The following ZNF689 variants were observed in gnomAD, a reference collection of about 807,000 sequenced individuals.
ZNF689 encodes the protein short ORF-encoded histone-binding protein.
Under a neutral mutation model 37.2 loss-of-function variants are expected in ZNF689, and 14 were observed. That is an observed-to-expected ratio of 0.38 (90% CI 0.25 to 0.59). ZNF689 has a LOEUF of 0.59. Ranked by LOEUF, ZNF689 falls within the 20% of genes least tolerant of loss-of-function variation. The pLI is 0.68. For missense variants in ZNF689, 573 were observed against 700.2 expected (o/e 0.82, Z 2.05); for synonymous variants, 277 against 283.3 (o/e 0.98, Z 0.22).
At position 30,610,027 on chromosome 16, in the gene ZNF689, C is replaced by A. The variant is rs1223462220; in HGVS notation, c.15G>T (p.Ser5=). 6.3e-7 allele frequency: 1 copy of A among 1,597,624 alleles called. No homozygotes were observed. Among genetic ancestry groups the A allele is most frequent in the East Asian group, 2.3e-5 (1 of 44,112 alleles). Residue 5 remains serine (S), a synonymous_variant, in exon 1 of 3, where the codon TCG becomes TCT. Coordinates refer to ENST00000287461, the MANE Select transcript of ZNF689 (RefSeq NM_138447.3). MAPP[S]APLPAQGPGK... ...CTGGTCCCTGCGCAGGGAGCGGAGC[C>A]GAAGGTGGCGCCATGGGACCCGAGA...
intron 2 of ZNF689, among the ~76,000 whole-genome samples, chr16:30,608,745 A>C (rs1388498877): frequency 6.6e-6 from 1 of 152,138 alleles, no homozygotes; most frequent in Non-Finnish European, 1.5e-5. Flanking sequence ...CCATTTAACA[A>C]CCTTGGCAAA....
intron 2 of ZNF689, among the ~76,000 whole-genome samples, chr16:30,607,935 C>T (rs1054644827): frequency 1.3e-5 from 2 of 152,202 alleles, no homozygotes; most frequent in Non-Finnish European, 2.9e-5. Context: ...GCACTCCTGC[C>T]TGGGCAACAG....
chr16:30,609,845 C>T lies in ZNF689; in HGVS notation c.197G>A (p.Gly66Asp). The change falls in exon 1 of 3, where the codon GGC becomes GAC. Residue 66 changes from glycine (G) to aspartate (D), a missense_variant. Coordinates refer to ENST00000287461, the MANE Select transcript of ZNF689 (RefSeq NM_138447.3). ...GATGGGGCCGGCCTCACCGAGCGCG[C>T]CCAGGTGACCGTAGGTCTCCCGCAT... ...DVMRETYGHLGALGCAGPKPA... is the reference protein window; with the variant it reads ...DVMRETYGHLDALGCAGPKPA... The T allele has an allele frequency of 6.2e-7, 1 of 1,604,786 alleles. No homozygotes were observed. Among genetic ancestry groups the T allele is most frequent in the Non-Finnish European group, 8.5e-7 (1 of 1,176,802 alleles).
chr16:30,603,137 G>T lies in ZNF689; in HGVS notation c.*1127C>A. The T allele has an allele frequency of 6.6e-6, 1 of 152,238 alleles. No homozygotes were observed. The allele number at this position is 152,238 out of a possible 1,614,324, so 9.4% of individuals were successfully genotyped here. ...TTCATCTGTGCCTGATGAGAATCAG[G>T]GTCAAGTACGGCCCAATTCTCCAGG... On this transcript the variant is annotated 3_prime_UTR_variant, in exon 3 of 3. Coordinates refer to ENST00000287461, the MANE Select transcript of ZNF689 (RefSeq NM_138447.3).
rs758625831 is a variant in ZNF689 at position 30,607,248 on chromosome 16, C to CAA, written c.320-1803_320-1802dup. Among the ~76,000 whole-genome samples the CAA allele has an allele frequency of 1.6e-3, 29 of 18,584 alleles. 1 individual carries two copies. The highest frequency in any genetic ancestry group is 2.0e-3 in the Non-Finnish European group (12 of 6,024). The allele number at this position is 18,584 out of a possible 152,430, so 12.2% of individuals were successfully genotyped here. ...TGCATGACAGAGTGAGACTCCATCT[C>CAA]AAAAAAAAAAAAAAAAAAAAAAAAA... On this transcript the variant is annotated intron_variant, in intron 2 of 2. Coordinates refer to ENST00000287461, the MANE Select transcript of ZNF689 (RefSeq NM_138447.3).
rs1390492528 is a variant in ZNF689, at chr16:30,604,964, C to T, written c.803G>A (p.Arg268His). Residue 268 changes from arginine (R) to histidine (H), a missense_variant, in exon 3 of 3, where the codon CGT (arginine) becomes CAT (histidine). Coordinates refer to ENST00000287461, the MANE Select transcript of ZNF689 (RefSeq NM_138447.3). The surrounding 1 kb of genome is among the most constrained non-coding windows in gnomAD (Gnocchi z 5.2). ...TAGCAGGGAGGGGTAGGCGAAGCGA[C>T]GTCCACAGCTAGGGCACTGGTGGGG... The part of the protein sequence containing the change: ...EKPHQCPSCG[R>H]RFAYPSLLAI... 1 of 1,581,976 alleles carries T rather than the reference C, an allele frequency of 6.3e-7. No homozygotes were observed. The highest frequency in any genetic ancestry group is 1.2e-5 in the South Asian group (1 of 85,368).
chr16:30,602,874 G>A lies in ZNF689; in HGVS notation c.*1390C>T, dbSNP rs950416813. On this transcript the variant is annotated 3_prime_UTR_variant, in exon 3 of 3. Coordinates refer to ENST00000287461, the MANE Select transcript of ZNF689 (RefSeq NM_138447.3). Reference sequence around the variant, plus strand: ...GGTAGGCCTTGTTCACATTTAACTCGGTAAAGCTTTATGAAGCACCTACCC... The same window carrying A: ...GGTAGGCCTTGTTCACATTTAACTCAGTAAAGCTTTATGAAGCACCTACCC... 4.6e-5 allele frequency: 7 copies of A among 152,082 alleles called. No individual in the cohort carries two copies. The highest frequency in any genetic ancestry group is 7.4e-5 in the Non-Finnish European group (5 of 68,010). The allele number at this position is 152,082 out of a possible 1,614,324, so 9.4% of individuals were successfully genotyped here.
Position 30,604,852 on chromosome 16 carries a change from G to T in ZNF689, c.915C>A (p.Val305=), listed in dbSNP as rs1253420956. Residue 305 remains valine (V), a synonymous_variant, in exon 3 of 3, where the codon GTC becomes GTA. Transcript: ENST00000287461. This position sits in a 1 kb window ranked among gnomAD's most constrained non-coding sequence, Gnocchi z 5.2. ...NRRFRQRTAL[V]IHQRIHTGEK... ...CGCCCGTGTGGATGCGCTGGTGGAT[G>T]ACGAGGGCCGTGCGCTGGCGGAAGC... 2 of 1,595,282 alleles carry T rather than the reference G, an allele frequency of 1.3e-6. No individual in the cohort carries two copies. Among genetic ancestry groups the T allele is most frequent in the Non-Finnish European group, 1.7e-6 (2 of 1,170,798 alleles).
At position 30,609,537 on chromosome 16, in the gene ZNF689, T is replaced by C; in HGVS notation, c.307A>G (p.Thr103Ala). The C allele has an allele frequency of 6.2e-7, 1 of 1,614,048 alleles. No homozygotes were observed. The highest frequency in any genetic ancestry group is 8.5e-7 in the Non-Finnish European group (1 of 1,179,974). Residue 103 changes from threonine (T) to alanine (A), a missense_variant, in exon 2 of 3, where the codon ACA (threonine) becomes GCA (alanine). Thr to Ala is a moderately conservative substitution (Grantham distance 58). Coordinates refer to ENST00000287461, the MANE Select transcript of ZNF689 (RefSeq NM_138447.3). ...ATTTAGCACTCACTTCTCTGGACTGTTAGCCCTCTCGGGTACTCCTGCGGA... is the reference window on the plus strand; with the variant it reads ...ATTTAGCACTCACTTCTCTGGACTGCTAGCCCTCTCGGGTACTCCTGCGGA... ...LDPQEYPRGLTVQRKSRTRKK... is the reference protein window; with the variant it reads ...LDPQEYPRGLAVQRKSRTRKK...
chr16:30,606,295 C>T (rs1336570502), intron 2 of ZNF689, among the ~76,000 whole-genome samples: 2 of 152,008 alleles, frequency 1.3e-5, no homozygotes, highest in Admixed American at 1.3e-4. Context: ...ACAGCAAGAC[C>T]CTATCTCAAA....
chr16:30,604,846 G>A lies in ZNF689; in HGVS notation c.921C>T (p.His307=), dbSNP rs781486839. 5 of 1,599,608 alleles carry A rather than the reference G, an allele frequency of 3.1e-6. No homozygotes were observed. In the Admixed American group the frequency reaches 5.1e-5, roughly 16 times the overall value. The change falls in exon 3 of 3, where the codon CAC becomes CAT. Residue 307 remains histidine (H), a synonymous_variant. Coordinates refer to ENST00000287461, the MANE Select transcript of ZNF689 (RefSeq NM_138447.3). The surrounding 1 kb of genome is among the most constrained non-coding windows in gnomAD (Gnocchi z 5.2). ...GCTTCTCGCCCGTGTGGATGCGCTG[G>A]TGGATGACGAGGGCCGTGCGCTGGC... ...RFRQRTALVI[H]QRIHTGEKPY...
At position 30,605,876 on chromosome 16, in the gene ZNF689, C is replaced by T. The variant is rs919323630; in HGVS notation, c.320-429G>A. ...AGAAGGCTGAGGCAGGAGAATCGCCCGGGAGGCAGAGGTTGCAGTGAGCCG... is the reference window on the plus strand; with the variant it reads ...AGAAGGCTGAGGCAGGAGAATCGCCTGGGAGGCAGAGGTTGCAGTGAGCCG... On this transcript the variant is annotated intron_variant, in intron 2 of 2. Coordinates refer to ENST00000287461, the MANE Select transcript of ZNF689 (RefSeq NM_138447.3). The surrounding 1 kb of genome is among the most constrained non-coding windows in gnomAD (Gnocchi z 5.1). 2.7e-5 allele frequency among the ~76,000 whole-genome samples: 4 copies of T among 149,380 alleles called. No individual in the cohort carries two copies. The Admixed American group carries it at 2.7e-4, about 10-fold the overall frequency.
In ZNF689 at chr16:30,604,950, G is replaced by T; in HGVS notation, c.817C>A (p.Pro273Thr). ...CGCTGGTGGATGGCTAGCAGGGAGG[G>T]GTAGGCGAAGCGACGTCCACAGCTA... ...CPSCGRRFAY[P>T]SLLAIHQRTH... The change falls in exon 3 of 3, where the codon CCC becomes ACC. Residue 273 changes from proline (P) to threonine (T), a missense_variant. Physicochemically the swap from Pro to Thr is conservative, Grantham distance 38 (BLOSUM62 -1). This residue lies in a region of ZNF689 where 317 missense variants were observed against 367.1 expected (regional missense o/e 0.86). Transcript: ENST00000287461. The surrounding 1 kb of genome is among the most constrained non-coding windows in gnomAD (Gnocchi z 5.2). 4 of 1,577,338 alleles carry T rather than the reference G, an allele frequency of 2.5e-6. No homozygotes were observed. The highest frequency in any genetic ancestry group is 3.4e-6 in the Non-Finnish European group (4 of 1,160,096).
At chr16:30,609,409 T>C (rs1596588587) in intron 2 of ZNF689, 116 bp downstream of exon 2, 1 of 798,118 alleles carries the variant, frequency 1.3e-6, no homozygotes, top group Non-Finnish European at 2.0e-6. Flanking sequence ...GCTGGGAAGA[T>C]GAATATACTA....
intron 2 of ZNF689, among the ~76,000 whole-genome samples, chr16:30,606,113 C>T (rs2052033944): frequency 6.6e-6 from 1 of 151,994 alleles, no homozygotes. Context: ...GCCTGGGCAG[C>T]ATAGTGAGAC....
chr16:30,604,396 G>A lies in ZNF689; in HGVS notation c.1371C>T (p.Phe457=), dbSNP rs1352014722. 3 of 1,613,762 alleles carry A rather than the reference G, an allele frequency of 1.9e-6. No individual in the cohort carries two copies. The highest frequency in any genetic ancestry group is 1.3e-5 in the African/African-American group (1 of 74,958). ...HQLLHTGEKP[F]PCLECGRCFR... ...AGCACCGGCCACACTCGAGGCAGGG[G>A]AAAGGCTTCTCCCCCGTGTGCAGCA... The change falls in exon 3 of 3, where the codon TTC becomes TTT. Residue 457 remains phenylalanine (F), a synonymous_variant. Coordinates refer to ENST00000287461, the MANE Select transcript of ZNF689 (RefSeq NM_138447.3). This position sits in a 1 kb window ranked among gnomAD's most constrained non-coding sequence, Gnocchi z 5.2.
Position 30,606,499 on chromosome 16 carries a change from CT to C in ZNF689, c.320-1053del, listed in dbSNP as rs908964093. On this transcript the variant is annotated intron_variant, in intron 2 of 2. Coordinates refer to ENST00000287461, the MANE Select transcript of ZNF689 (RefSeq NM_138447.3). ...AGCGTATGTTCTCTTCCCCACCTTT[CT>C]TTTTTTTTTTCTTTTTTGAGACAGA... Among the ~76,000 whole-genome samples, 171 of 146,998 alleles carry C rather than the reference CT, an allele frequency of 1.2e-3. 1 individual carries two copies. Among genetic ancestry groups the C allele is most frequent in the African/African-American group, 3.8e-3 (154 of 40,254 alleles).
chr16:30,608,895 T>C (rs1422958229), intron 2 of ZNF689, among the ~76,000 whole-genome samples: 1 of 152,206 alleles, frequency 6.6e-6, no homozygotes, highest in Non-Finnish European at 1.5e-5. Flanking sequence ...TCTGGGACCC[T>C]TCTACCTGAA....
chr16:30,604,339 C>T lies in ZNF689; in HGVS notation c.1428G>A (p.Lys476=). 6.2e-7 allele frequency: 1 copy of T among 1,613,800 alleles called. No homozygotes were observed. Among genetic ancestry groups the T allele is most frequent in the Non-Finnish European group, 8.5e-7 (1 of 1,179,890 alleles). Residue 476 remains lysine (K), a synonymous_variant, in exon 3 of 3, where the codon AAG becomes AAA. Transcript: ENST00000287461. This position sits in a 1 kb window ranked among gnomAD's most constrained non-coding sequence, Gnocchi z 5.2. ...FRQRWSLAVH[K]CSPKAPNCSP... Reference sequence around the variant, plus strand: ...TACAGTTTGGGGCCTTGGGGCTACACTTGTGGACAGCCAGAGACCACCTCT... The same window carrying T: ...TACAGTTTGGGGCCTTGGGGCTACATTTGTGGACAGCCAGAGACCACCTCT...
Sources: gnomAD v4.1 joint callset for allele counts (sites outside exome capture counted in the v4.1 genomes callset) on GRCh38, gnomAD v4.1.1 for gene constraint, gnomAD v4.1.1 regional missense constraint, Gnocchi (gnomAD v3.1) non-coding constraint, MANE v1.5 for transcripts, NCBI Gene and HGNC (gene_info 2026-07-23, HGNC 2026-07-21) for gene names.